ATP9A: variants seen among roughly 807,000 people sequenced by gnomAD.
ATP9A encodes the protein probable phospholipid-transporting ATPase IIA.
A neutral mutation model predicts 144.1 loss-of-function variants in ATP9A; 52 were observed. The ratio of observed to expected loss-of-function variants is 0.36; its 90% confidence interval spans 0.29 to 0.45. The LOEUF (loss-of-function observed/expected upper bound fraction) is 0.45. Among genes scored for constraint, ATP9A ranks in the 20% least tolerant of loss-of-function variants. The probability of loss-of-function intolerance (pLI) is 1.00; values close to 1 mark genes in which losing one functional copy is unlikely to be tolerated. For synonymous variants in ATP9A, 582 were observed against 557.4 expected (o/e 1.04, Z -0.62); for missense variants, 947 against 1,392.7 (o/e 0.68, Z 5.09).
chr20:51,614,448 G>A (rs2077195486), intron 22 of ATP9A, among the ~76,000 whole-genome samples: 1 of 152,094 alleles, frequency 6.6e-6, no homozygotes, highest in Admixed American at 6.6e-5. Context: ...GCACAGACAT[G>A]CACCACCACA....
At chr20:51,709,427 A>G (rs2077628231) in intron 4 of ATP9A, among the ~76,000 whole-genome samples, 2 of 152,266 alleles carry the variant, frequency 1.3e-5, no homozygotes, top group South Asian at 4.2e-4. Context: ...GGGCAGGAGA[A>G]TCGCTTCAAC....
chr20:51,659,722 G>T (rs1458418116), intron 13 of ATP9A, among the ~76,000 whole-genome samples: 1 of 152,174 alleles, frequency 6.6e-6, no homozygotes, highest in Non-Finnish European at 1.5e-5. Flanking sequence ...CCAAAATAGA[G>T]AACAGATGGG....
rs2077190149 is a variant in ATP9A at position 51,612,943 on chromosome 20, G to C, written c.2571+734C>G. On this transcript the variant is annotated intron_variant, in intron 23 of 27. Transcript: ENST00000338821. ...CCAAGTGTCATGCTGACCCCTGCAA[G>C]TGGACACGGTCCCAGGCCCTCCATG... Among the ~76,000 whole-genome samples the C allele has an allele frequency of 2.0e-5, 3 of 152,200 alleles. No individual in the cohort carries two copies. In the South Asian group the frequency reaches 6.2e-4, roughly 32 times the overall value.
chr20:51,604,932 G>A lies in ATP9A; in HGVS notation c.2892C>T (p.Thr964=), dbSNP rs760896827. The A allele has an allele frequency of 2.5e-5, 40 of 1,613,320 alleles. No homozygotes were observed. Among genetic ancestry groups the A allele is most frequent in the Admixed American group, 6.7e-5 (4 of 59,956 alleles). Residue 964 remains threonine (T), a synonymous_variant, in exon 27 of 28, where the codon ACC becomes ACT. Coordinates refer to ENST00000338821, the MANE Select transcript of ATP9A (RefSeq NM_006045.3). ...VAISFTSLIL[T]ELLMVALTIQ... is the part of the protein sequence containing the mutation. Reference sequence around the variant, plus strand: ...TGGTCAGCGCCACCATGAGCAGCTCGGTGAGGATCAGCGAGGTGAAGGAGA... The same window carrying A: ...TGGTCAGCGCCACCATGAGCAGCTCAGTGAGGATCAGCGAGGTGAAGGAGA...
At chr20:51,637,352 ATCCTGCTCACT>A (rs1296129220) in intron 15 of ATP9A, among the ~76,000 whole-genome samples, 1 of 146,172 alleles carries the variant, frequency 6.8e-6, no homozygotes, top group East Asian at 2.2e-4. Context: ...TCACTGTTGA[ATCCTGCTCACT>A]TCGGCACTGA....
At chr20:51,652,459 G>T (rs1231266769) in intron 14 of ATP9A, among the ~76,000 whole-genome samples, 3 of 152,300 alleles carry the variant, frequency 2.0e-5, no homozygotes, top group Non-Finnish European at 2.9e-5. Context: ...AACTGACCTT[G>T]CCTAGGCTAG....
intron 22 of ATP9A, among the ~76,000 whole-genome samples, chr20:51,614,955 G>A (rs1297209993): frequency 6.6e-6 from 1 of 152,004 alleles, no homozygotes; most frequent in Non-Finnish European, 1.5e-5. Flanking sequence ...AAGCTGTGAA[G>A]ACACTCAGAG....
intron 24 of ATP9A, among the ~76,000 whole-genome samples, chr20:51,609,289 C>T (rs969522068): frequency 5.9e-5 from 9 of 152,244 alleles, no homozygotes; most frequent in East Asian, 3.9e-4. Flanking sequence ...AAAGACAGCC[C>T]GCTTTTCCAG....
chr20:51,719,841 G>C (rs2077681214), intron 3 of ATP9A, among the ~76,000 whole-genome samples: 1 of 151,722 alleles, frequency 6.6e-6, no homozygotes, highest in Non-Finnish European at 1.5e-5. Context: ...AAGGTCAGGA[G>C]TTCGAGACCA....
chr20:51,755,702 G>A (rs942330712), intron 1 of ATP9A, among the ~76,000 whole-genome samples: 7 of 152,142 alleles, frequency 4.6e-5, no homozygotes, highest in Non-Finnish European at 2.9e-5. Flanking sequence ...GGTGGCTCAC[G>A]CCTGTAATCC....
Position 51,669,994 on chromosome 20 carries a change from T to C in ATP9A, c.1293+3A>G, listed in dbSNP as rs371981480. 11 of 1,610,434 alleles carry C rather than the reference T, an allele frequency of 6.8e-6. No individual in the cohort carries two copies. The African/African-American group carries it at 1.5e-4, about 22-fold the overall frequency. On this transcript the variant is annotated splice_donor_region_variant and intron_variant, in intron 13 of 27. Transcript: ENST00000338821. ...TTTTGGGTGTTGAAATGGAAGGCTT[T>C]ACCTGGGTGTAAATGCTGAAAATGT...
rs748863390 is a variant in ATP9A, at chr20:51,618,783, G to A, written c.2229C>T (p.Tyr743=). The A allele has an allele frequency of 8.1e-6, 13 of 1,596,932 alleles. 1 individual carries two copies. The highest frequency in any genetic ancestry group is 3.3e-4 in the Middle Eastern group (2 of 5,976). The part of the protein sequence containing the change: ...SLEVCLKYYE[Y]EFMELACQCP... ...ACTGGCAGGCCAGCTCCATGAACTC[G>A]TACTCATAGTACTTGAGGCAAACCT... The change falls in exon 21 of 28, where the codon TAC becomes TAT. Residue 743 remains tyrosine, a synonymous_variant. Coordinates refer to ENST00000338821, the MANE Select transcript of ATP9A (RefSeq NM_006045.3).
chr20:51,757,811 C>G (rs576714365), intron 1 of ATP9A, among the ~76,000 whole-genome samples: 3 of 151,568 alleles, frequency 2.0e-5, no homozygotes, highest in Non-Finnish European at 4.4e-5. Flanking sequence ...GAGGCTGCAG[C>G]GGTAGGATTG....
chr20:51,693,539 T>G (rs1469226906), intron 7 of ATP9A, among the ~76,000 whole-genome samples: 1 of 152,046 alleles, frequency 6.6e-6, no homozygotes, highest in Non-Finnish European at 1.5e-5. Flanking sequence ...GGTTATTACT[T>G]TTATTAGATA....
At chr20:51,744,039 A>C (rs556275969) in intron 1 of ATP9A, among the ~76,000 whole-genome samples, 1 of 152,124 alleles carries the variant, frequency 6.6e-6, no homozygotes, top group African/African-American at 2.4e-5. Context: ...CAGATGAAAA[A>C]GGAAAATATG....
chr20:51,649,912 C>CA (rs3029336), intron 14 of ATP9A, among the ~76,000 whole-genome samples: 30,574 of 107,530 alleles, frequency 0.28, 4,474 homozygotes, highest in East Asian at 0.48. Context: ...GAATCCGTCT[C>CA]AAAAAAAAAA....
At chr20:51,642,592 G>C (rs2122751337) in intron 14 of ATP9A, among the ~76,000 whole-genome samples, 1 of 151,934 alleles carries the variant, frequency 6.6e-6, no homozygotes, top group Non-Finnish European at 1.5e-5. Context: ...GGAGGCTCTA[G>C]GGGAGCACCT....
chr20:51,714,929 G>C (rs1340153124), intron 3 of ATP9A, among the ~76,000 whole-genome samples: 3 of 152,252 alleles, frequency 2.0e-5, no homozygotes, highest in Non-Finnish European at 4.4e-5. Flanking sequence ...ACCCATAGCA[G>C]AATCTACTTC....
intron 26 of ATP9A, 42 bp from the exon 27 acceptor site, chr20:51,605,062 G>A (rs759509917): frequency 1.1e-4 from 162 of 1,516,388 alleles, no homozygotes; most frequent in Non-Finnish European, 1.3e-4. Flanking sequence ...CCCTCCCTGC[G>A]AAAGCCGTGC....
Sources: allele counts gnomAD v4.1 joint callset (sites outside exome capture counted in the v4.1 genomes callset), GRCh38; gene constraint gnomAD v4.1.1; transcripts MANE v1.5; gene names NCBI Gene and HGNC (gene_info 2026-07-23, HGNC 2026-07-21).